The following R3HDM1 variants were observed in gnomAD, a reference collection of about 807,000 sequenced individuals.
The protein encoded by R3HDM1 is R3H domain containing 1.
In R3HDM1, 46 loss-of-function variants were observed where a neutral mutation model predicts 141.1. That is an observed-to-expected ratio of 0.33 (90% CI 0.26 to 0.42). The LOEUF (loss-of-function observed/expected upper bound fraction) is 0.42, where lower values mean the gene tolerates loss of function less well. Among genes scored for constraint, R3HDM1 ranks in the 10% least tolerant of loss-of-function variants. The pLI is 1.00. For missense variants in R3HDM1, 1,184 were observed against 1,368.3 expected, an observed-to-expected ratio of 0.87 and a Z score of 2.12; for synonymous variants, 435 against 472.9, an observed-to-expected ratio of 0.92 and a Z score of 1.04.
At position 135,699,070 on chromosome 2, in the gene R3HDM1, ATAGAT is replaced by A. The variant is rs760372140; in HGVS notation, c.2460-10357_2460-10353del. On this transcript the variant is annotated intron_variant, in intron 21 of 26. Transcript: ENST00000683871. ...AAGATAGATAAGATAGATTGATTAGATAGATTAGATAGATAGATAGATAGATAGAT... is the reference window on the plus strand; with the variant it reads ...AAGATAGATAAGATAGATTGATTAGATAGATAGATAGATAGATAGATAGAT... Among the ~76,000 whole-genome samples, 238 of 106,030 alleles carry A rather than the reference ATAGAT, an allele frequency of 2.2e-3. 5 individuals carry two copies. Among genetic ancestry groups the A allele is most frequent in the Middle Eastern group, 7.7e-3 (2 of 260 alleles). The allele number at this position is 106,030 out of a possible 152,430, so 69.6% of individuals were successfully genotyped here. A position where few individuals can be genotyped will look rare whatever the true frequency, so the allele number is the denominator to read the frequency against.
chr2:135,612,093 A>T (rs2060603244), intron 3 of R3HDM1, among the ~76,000 whole-genome samples: 1 of 152,234 alleles, frequency 6.6e-6, no homozygotes, highest in South Asian at 2.1e-4. Flanking sequence ...CAAATTAGTG[A>T]TTGTGTTTAG....
chr2:135,621,687 T>G, intron 6 of R3HDM1, 79 bp downstream of exon 6: 1 of 1,406,278 alleles, frequency 7.1e-7, no homozygotes. Flanking sequence ...AATAATTATA[T>G]ATAGTATATC....
chr2:135,685,189 C>T (rs1372770889), intron 21 of R3HDM1, among the ~76,000 whole-genome samples: 5 of 152,058 alleles, frequency 3.3e-5, no homozygotes, highest in African/African-American at 1.2e-4. Context: ...GTCATCCTGG[C>T]AGTTTTTTAT....
intron 1 of R3HDM1, among the ~76,000 whole-genome samples, chr2:135,587,779 C>T (rs1708272667): frequency 6.6e-6 from 1 of 151,768 alleles, no homozygotes. Flanking sequence ...CTTCTTTTTC[C>T]TTTAGGATTC....
intron 18 of R3HDM1, among the ~76,000 whole-genome samples, chr2:135,657,908 A>G (rs2066130272): frequency 6.6e-6 from 1 of 152,136 alleles, no homozygotes. Context: ...ATAGAGATAC[A>G]TTCTGAGAAA....
At chr2:135,607,979 T>G (rs753336367) in intron 3 of R3HDM1, 275 of 981,788 alleles carry the variant, frequency 2.8e-4, no homozygotes, top group Non-Finnish European at 3.3e-4. Flanking sequence ...TATGTTAATC[T>G]GGTGAATGCC....
At chr2:135,546,614 GA>G (rs1305423898) in intron 1 of R3HDM1, among the ~76,000 whole-genome samples, 2 of 152,146 alleles carry the variant, frequency 1.3e-5, no homozygotes, top group African/African-American at 4.8e-5. Flanking sequence ...CAAAGCACAT[GA>G]GATGTTATCA....
At chr2:135,587,470 T>C (rs983616492) in intron 1 of R3HDM1, among the ~76,000 whole-genome samples, 2 of 152,220 alleles carry the variant, frequency 1.3e-5, no homozygotes, top group Non-Finnish European at 2.9e-5. Context: ...TTATCAACGC[T>C]GAATGTCATT....
At chr2:135,634,693 A>G (rs1470392782) in intron 9 of R3HDM1, among the ~76,000 whole-genome samples, 1 of 152,182 alleles carries the variant, frequency 6.6e-6, no homozygotes, top group East Asian at 1.9e-4. Context: ...GATATAAGGA[A>G]GTTTGCTGAA....
chr2:135,595,642 C>T (rs767478687), intron 1 of R3HDM1, among the ~76,000 whole-genome samples: 2 of 152,176 alleles, frequency 1.3e-5, no homozygotes, highest in African/African-American at 2.4e-5. Flanking sequence ...TTTCACAGCA[C>T]ATATTGCAAT....
intron 1 of R3HDM1, among the ~76,000 whole-genome samples, chr2:135,549,582 C>A (rs59941166): frequency 0.13 from 14,567 of 115,020 alleles, 1,373 homozygotes; most frequent in East Asian, 0.45. Flanking sequence ...AAAAAAAAAA[C>A]AAAAACAAAA....
At chr2:135,540,494 T>C (rs557497183) in intron 1 of R3HDM1, among the ~76,000 whole-genome samples, 1 of 152,322 alleles carries the variant, frequency 6.6e-6, no homozygotes, top group East Asian at 1.9e-4. Flanking sequence ...GCTGCTGTCA[T>C]AGCTTATTGT....
At chr2:135,703,305 C>A (rs919815914) in intron 21 of R3HDM1, among the ~76,000 whole-genome samples, 1 of 152,146 alleles carries the variant, frequency 6.6e-6, no homozygotes, top group African/African-American at 2.4e-5. Context: ...GCAAGATTTC[C>A]AGCCCAGCTT....
intron 1 of R3HDM1, among the ~76,000 whole-genome samples, chr2:135,584,942 A>G (rs1707539270): frequency 6.6e-6 from 1 of 152,256 alleles, no homozygotes; most frequent in Admixed American, 6.5e-5. Context: ...CAAAGATTTT[A>G]TCTGAGAAAA....
chr2:135,596,002 TTTC>T (rs1002942884), intron 1 of R3HDM1, among the ~76,000 whole-genome samples: 26 of 152,266 alleles, frequency 1.7e-4, no homozygotes, highest in African/African-American at 6.0e-4. Context: ...GTTTCTTCTT[TTTC>T]TTTTTCTTTT....
intron 3 of R3HDM1, chr2:135,607,748 C>A: frequency 1.5e-6 from 1 of 681,268 alleles, no homozygotes; most frequent in Non-Finnish European, 1.8e-6. Flanking sequence ...TGGCAGTAAG[C>A]CACAAGAACA....
At chr2:135,576,406 A>G (rs1705436204) in intron 1 of R3HDM1, among the ~76,000 whole-genome samples, 1 of 152,182 alleles carries the variant, frequency 6.6e-6, no homozygotes, top group African/African-American at 2.4e-5. Flanking sequence ...TCACTGAGGT[A>G]GAAATTGGCT....
chr2:135,675,214 T>A (rs1417634173), intron 19 of R3HDM1, 118 bp from the exon 20 acceptor site: 1 of 1,041,652 alleles, frequency 9.6e-7, no homozygotes, highest in African/African-American at 1.6e-5. Context: ...TTTAGGGGCT[T>A]ACCATTTAAT....
At chr2:135,535,353 G>A (rs188335437) in intron 1 of R3HDM1, among the ~76,000 whole-genome samples, 1 of 152,078 alleles carries the variant, frequency 6.6e-6, no homozygotes, top group East Asian at 1.9e-4. Context: ...ACAAAAATTA[G>A]TAGGGCGTGT....
Sources: allele counts gnomAD v4.1 joint callset (sites outside exome capture counted in the v4.1 genomes callset), GRCh38; gene constraint gnomAD v4.1.1; transcripts MANE v1.5; gene names NCBI Gene and HGNC (gene_info 2026-07-23, HGNC 2026-07-21).